The following LIMS4 variants were observed in gnomAD, a reference collection of about 807,000 sequenced individuals.
LIMS4 encodes LIM and senescent cell antigen-like-containing domain protein 4.
the LIMS4 span, among the ~76,000 whole-genome samples, chr2:110,419,772 T>A: frequency 9.8e-5 from 1 of 10,182 alleles, no homozygotes; most frequent in Non-Finnish European, 1.4e-4. Flanking sequence ...TAAAGAGAAG[T>A]TCCCATAAAT....
At chr2:110,385,159 CAATA>C in the LIMS4 span, among the ~76,000 whole-genome samples, 5 of 149,036 alleles carry the variant, frequency 3.4e-5, no homozygotes, top group Admixed American at 6.6e-5. Context: ...GGTGCCTAAA[CAATA>C]AATAAATAAA....
chr2:110,365,878 CTG>C, the LIMS4 span, among the ~76,000 whole-genome samples: 2 of 147,336 alleles, frequency 1.4e-5, 1 homozygote, highest in South Asian at 4.2e-4. Flanking sequence ...TACAAAAACT[CTG>C]AGACCATTAT....
the LIMS4 span, among the ~76,000 whole-genome samples, chr2:110,410,483 C>CAA: frequency 2.6e-3 from 39 of 14,774 alleles, no homozygotes; most frequent in Non-Finnish European, 3.2e-3. Context: ...GATTCCGTCT[C>CAA]AAAAAAAAAA....
chr2:110,360,742 G>A, the LIMS4 span: 1 of 1,603,978 alleles, frequency 6.2e-7, no homozygotes, highest in Non-Finnish European at 8.5e-7. Context: ...GGCGCCATTG[G>A]GAGATTCATC....
chr2:110,373,741 C>T, the LIMS4 span, among the ~76,000 whole-genome samples: 1 of 149,820 alleles, frequency 6.7e-6, no homozygotes, highest in Non-Finnish European at 1.5e-5. Context: ...CCAATCTCTG[C>T]CCGCCCTGGT....
At chr2:110,367,753 C>T in the LIMS4 span, among the ~76,000 whole-genome samples, 22 of 145,654 alleles carry the variant, frequency 1.5e-4, 2 homozygotes, top group African/African-American at 2.2e-4. Flanking sequence ...TGGTGGCACA[C>T]GTGCCTGTGG....
the LIMS4 span, among the ~76,000 whole-genome samples, chr2:110,392,347 G>A: frequency 1.8e-4 from 27 of 151,108 alleles, no homozygotes; most frequent in Non-Finnish European, 4.0e-4. Flanking sequence ...GCTGAGGCAG[G>A]AGAATGGCGT....
the LIMS4 span, among the ~76,000 whole-genome samples, chr2:110,381,924 G>A: frequency 2.3e-4 from 9 of 39,948 alleles, no homozygotes; most frequent in African/African-American, 5.0e-4. Flanking sequence ...AAAATTAGCC[G>A]GGTGTGGTGG....
At chr2:110,366,887 T>C in the LIMS4 span, among the ~76,000 whole-genome samples, 17 of 150,720 alleles carry the variant, frequency 1.1e-4, no homozygotes, top group Non-Finnish European at 2.2e-4. Context: ...AGTATTTCTA[T>C]ACACCAACAA....
chr2:110,392,330 T>G, the LIMS4 span, among the ~76,000 whole-genome samples: 2 of 150,604 alleles, frequency 1.3e-5, no homozygotes, highest in Non-Finnish European at 2.9e-5. Flanking sequence ...TCCCAGCTAC[T>G]CGGGAGGCTG....
the LIMS4 span, chr2:110,386,599 TG>T: frequency 1.6e-6 from 1 of 633,064 alleles, no homozygotes; most frequent in Non-Finnish European, 2.8e-6. Flanking sequence ...GCCTTAGGTG[TG>T]GTGCTCCAGC....
the LIMS4 span, among the ~76,000 whole-genome samples, chr2:110,425,765 C>T: frequency 7.1e-6 from 1 of 140,282 alleles, no homozygotes; most frequent in African/African-American, 3.1e-5. Context: ...AAAGTGAATT[C>T]TTCCCCAGGG....
At chr2:110,394,970 GC>G in the LIMS4 span, among the ~76,000 whole-genome samples, 1 of 122,194 alleles carries the variant, frequency 8.2e-6, no homozygotes, top group Non-Finnish European at 1.7e-5. Flanking sequence ...GGTGGCAGTC[GC>G]CCATAAGCTG....
the LIMS4 span, among the ~76,000 whole-genome samples, chr2:110,392,058 C>A: frequency 1.3e-5 from 2 of 151,920 alleles, no homozygotes; most frequent in African/African-American, 2.4e-5. Flanking sequence ...ACTTGCACAG[C>A]ACATTGACTT....
chr2:110,361,965 G>A, the LIMS4 span: 61 of 1,325,294 alleles, frequency 4.6e-5, 1 homozygote, highest in Non-Finnish European at 6.1e-5. Context: ...ACATTGCAAC[G>A]TACACATCAA....
At chr2:110,411,653 C>T in the LIMS4 span, among the ~76,000 whole-genome samples, 1 of 119,436 alleles carries the variant, frequency 8.4e-6, no homozygotes, top group Non-Finnish European at 1.6e-5. Context: ...AATGCCTCAG[C>T]CAGTCAGGCC....
At chr2:110,368,858 C>G in the LIMS4 span, among the ~76,000 whole-genome samples, 4 of 141,810 alleles carry the variant, frequency 2.8e-5, no homozygotes, top group Non-Finnish European at 6.0e-5. Flanking sequence ...TTTCTTTGCT[C>G]AAATAAACTC....
the LIMS4 span, among the ~76,000 whole-genome samples, chr2:110,371,290 G>T: frequency 8.2e-6 from 1 of 121,470 alleles, no homozygotes; most frequent in African/African-American, 4.1e-5. Context: ...TTTTCATCTG[G>T]TTATTTTGAA....
the LIMS4 span, among the ~76,000 whole-genome samples, chr2:110,410,526 TGAGAGA>T: frequency 1.7e-5 from 2 of 120,558 alleles, no homozygotes; most frequent in African/African-American, 6.9e-5. Context: ...CGAAGAGAAC[TGAGAGA>T]GAGAGAGATT....
Sources: allele counts gnomAD v4.1 joint callset (sites outside exome capture counted in the v4.1 genomes callset), GRCh38; gene constraint gnomAD v4.1.1; transcripts MANE v1.5; gene names NCBI Gene and HGNC (gene_info 2026-07-23, HGNC 2026-07-21).